The following ZMYM4 variants were observed in gnomAD, a reference collection of about 807,000 sequenced individuals.
ZMYM4 encodes zinc finger MYM-type containing 4.
Under a neutral mutation model 183.2 loss-of-function variants are expected in ZMYM4, and 31 were observed. The ratio of observed to expected loss-of-function variants is 0.17; its 90% CI spans 0.13 to 0.23. The LOEUF is 0.23. Among genes scored for constraint, ZMYM4 ranks in the 10% least tolerant of loss-of-function variants. The probability of loss-of-function intolerance (pLI) is 1.00; values close to 1 mark genes in which losing one functional copy is unlikely to be tolerated. For synonymous variants in ZMYM4, 592 were observed against 631.2 expected (o/e 0.94, Z 0.93); for missense variants, 1,273 against 1,840.3 (o/e 0.69, Z 5.64).
chr1:35,324,793 T>C (rs1219661034), intron 1 of ZMYM4, among the ~76,000 whole-genome samples: 6 of 152,190 alleles, frequency 3.9e-5, no homozygotes, highest in Non-Finnish European at 7.3e-5. Context: ...CTTTAGTTCT[T>C]TGGTGGAGTT....
At chr1:35,282,004 C>T (rs75744039) in intron 1 of ZMYM4, among the ~76,000 whole-genome samples, 1,854 of 152,278 alleles carry the variant, frequency 0.012, 39 homozygotes, top group African/African-American at 0.042. Context: ...CTTTTTATGG[C>T]TGCAAAATAT....
chr1:35,310,383 C>A, intron 1 of ZMYM4: 1 of 235,004 alleles, frequency 4.3e-6, no homozygotes. Context: ...ACAAGGGTCT[C>A]TGATCCAGTG....
intron 2 of ZMYM4, 104 bp from the exon 3 acceptor site, chr1:35,358,821 A>G: frequency 1.1e-6 from 1 of 950,464 alleles, no homozygotes. Context: ...TAATATCTGT[A>G]TTTTGTTTGA....
At chr1:35,348,507 A>T (rs1224629239) in intron 2 of ZMYM4, among the ~76,000 whole-genome samples, 1 of 152,218 alleles carries the variant, frequency 6.6e-6, no homozygotes, top group Non-Finnish European at 1.5e-5. Context: ...AGACTAAATT[A>T]TTACATTGTA....
At chr1:35,301,378 C>A (rs1641270131) in intron 1 of ZMYM4, among the ~76,000 whole-genome samples, 1 of 152,010 alleles carries the variant, frequency 6.6e-6, no homozygotes, top group Non-Finnish European at 1.5e-5. Flanking sequence ...GAAACCTCGT[C>A]TCTACTAAAA....
At chr1:35,366,811 C>T (rs1229075382) in intron 5 of ZMYM4, among the ~76,000 whole-genome samples, 1 of 152,030 alleles carries the variant, frequency 6.6e-6, no homozygotes, top group Non-Finnish European at 1.5e-5. Flanking sequence ...GTCAGGAGTT[C>T]AAGACCAGCC....
At chr1:35,405,337 ATTT>A in intron 24 of ZMYM4, 33 bp from the exon 25 acceptor site, 1 of 1,582,358 alleles carries the variant, frequency 6.3e-7, no homozygotes, top group Non-Finnish European at 8.5e-7. Context: ...CTTTTATTTT[ATTT>A]AAACTTTTCT....
At chr1:35,294,337 G>T (rs1197368637) in intron 1 of ZMYM4, among the ~76,000 whole-genome samples, 1 of 152,028 alleles carries the variant, frequency 6.6e-6, no homozygotes. Flanking sequence ...TATTATAAAA[G>T]TATGTGTTCC....
intron 2 of ZMYM4, among the ~76,000 whole-genome samples, chr1:35,327,100 A>T (rs1019174710): frequency 1.3e-5 from 2 of 152,182 alleles, no homozygotes; most frequent in African/African-American, 4.8e-5. Context: ...ACCTCAAGTG[A>T]TCCACCTGCC....
intron 2 of ZMYM4, 85 bp downstream of exon 2, chr1:35,325,490 T>C: frequency 7.4e-7 from 1 of 1,345,594 alleles, no homozygotes; most frequent in Admixed American, 2.1e-5. Context: ...TATTACAGTG[T>C]TTAGTTAGGG....
At chr1:35,307,684 G>A (rs1402620536) in intron 1 of ZMYM4, among the ~76,000 whole-genome samples, 2 of 150,996 alleles carry the variant, frequency 1.3e-5, no homozygotes, top group African/African-American at 2.4e-5. Context: ...ACAGGTGCCC[G>A]CCACCACGCC....
chr1:35,333,493 G>A (rs1358402928), intron 2 of ZMYM4, among the ~76,000 whole-genome samples: 1 of 152,110 alleles, frequency 6.6e-6, no homozygotes, highest in Non-Finnish European at 1.5e-5. Context: ...CCGGTCTCAA[G>A]TTGATCTGCC....
In ZMYM4 at chr1:35,325,486, AG is replaced by A. The variant is rs1642466726; in HGVS notation, c.85+82del. 14 of 1,406,462 alleles carry A rather than the reference AG, an allele frequency of 1.0e-5. 1 individual carries two copies. The South Asian group carries it at 1.8e-4, about 18-fold the overall frequency. 87.1% of individuals were successfully genotyped at this position (1,406,462 alleles called of 1,614,324 possible). A position where few individuals can be genotyped will look rare whatever the true frequency, so the allele number is the denominator to read the frequency against. Reference sequence around the variant, plus strand: ...TCTAGATGTGGTATTTAACTATTACAGTGTTTAGTTAGGGCTGATTTATGTG... The same window carrying A: ...TCTAGATGTGGTATTTAACTATTACATGTTTAGTTAGGGCTGATTTATGTG... On this transcript the variant is annotated intron_variant, in intron 2 of 29. Transcript: ENST00000314607.
intron 11 of ZMYM4, 52 bp from the exon 12 acceptor site, chr1:35,386,951 C>A: frequency 1.3e-6 from 2 of 1,559,656 alleles, no homozygotes; most frequent in South Asian, 2.4e-5. Flanking sequence ...CACAATACTT[C>A]TTTGTTTTAA....
intron 2 of ZMYM4, among the ~76,000 whole-genome samples, chr1:35,349,520 T>A (rs1354333459): frequency 6.6e-6 from 1 of 152,124 alleles, no homozygotes; most frequent in East Asian, 1.9e-4. Context: ...AGTCAGATCA[T>A]CCCTTAGAAA....
chr1:35,364,879 G>A (rs932362177), intron 5 of ZMYM4, among the ~76,000 whole-genome samples: 19 of 152,082 alleles, frequency 1.2e-4, no homozygotes, highest in Admixed American at 3.9e-4. Flanking sequence ...AAATGTGTGT[G>A]TATGTATTTA....
chr1:35,365,498 A>G (rs1447779234), intron 5 of ZMYM4, among the ~76,000 whole-genome samples: 1 of 152,128 alleles, frequency 6.6e-6, no homozygotes, highest in African/African-American at 2.4e-5. Flanking sequence ...AAAGAACTCA[A>G]TTAAAATGGG....
intron 2 of ZMYM4, among the ~76,000 whole-genome samples, chr1:35,348,792 TAA>T (rs1487739197): frequency 6.6e-6 from 1 of 152,226 alleles, no homozygotes; most frequent in African/African-American, 2.4e-5. Context: ...TGTAATTATA[TAA>T]GTTAACATGT....
Position 35,268,988 on chromosome 1 carries a change from G to C in ZMYM4, c.-59G>C, listed in dbSNP as rs1041192077. On this transcript the variant is annotated 5_prime_UTR_variant, in exon 1 of 30. Transcript: ENST00000314607. Reference sequence around the variant, plus strand: ...CTGCAGTGTGGGCGGGGGCCGGGGGGCCGAGAGGTACCGCCGCCACCGCGC... The same window carrying C: ...CTGCAGTGTGGGCGGGGGCCGGGGGCCCGAGAGGTACCGCCGCCACCGCGC... 6.9e-4 allele frequency: 1,042 copies of C among 1,499,542 alleles called. 1 individual carries two copies. Among genetic ancestry groups the C allele is most frequent in the Non-Finnish European group, 8.5e-4 (956 of 1,123,228 alleles). The allele number at this position is 1,499,542 out of a possible 1,614,324, so 92.9% of individuals were successfully genotyped here. A position where few individuals can be genotyped will look rare whatever the true frequency, so the allele number is the denominator to read the frequency against.
Sources: gnomAD v4.1 joint callset for allele counts (sites outside exome capture counted in the v4.1 genomes callset) on GRCh38, gnomAD v4.1.1 for gene constraint, MANE v1.5 for transcripts, NCBI Gene and HGNC (gene_info 2026-07-23, HGNC 2026-07-21) for gene names.